RASGRP3: variants seen among roughly 807,000 people sequenced by gnomAD.
RASGRP3 encodes the protein ras guanyl-releasing protein 3.
In RASGRP3, 54 loss-of-function variants were observed where a neutral mutation model predicts 82.7. The ratio of observed to expected loss-of-function variants is 0.65; its 90% CI spans 0.52 to 0.82. The LOEUF (loss-of-function observed/expected upper bound fraction) is 0.82, where lower values mean the gene tolerates loss of function less well. Ranked by LOEUF, RASGRP3 falls within the 40% of genes least tolerant of loss-of-function variation. The pLI is 0.00. For missense variants in RASGRP3, 861 were observed against 828.9 expected (o/e 1.04, Z -0.48); for synonymous variants, 309 against 300.5 (o/e 1.03, Z -0.29).
intron 4 of RASGRP3, among the ~76,000 whole-genome samples, chr2:33,519,251 G>T (rs1287120266): frequency 6.6e-6 from 1 of 152,098 alleles, no homozygotes; most frequent in Admixed American, 6.5e-5. Flanking sequence ...GTCCTTCATT[G>T]ACTGAAACGT....
chr2:33,489,263 G>C (rs1291232313), intron 1 of RASGRP3, among the ~76,000 whole-genome samples: 4 of 152,206 alleles, frequency 2.6e-5, no homozygotes, highest in African/African-American at 9.6e-5. Flanking sequence ...ACGCAAACAT[G>C]CCTTCAAAGA....
At chr2:33,507,727 T>A (rs1427884499) in intron 1 of RASGRP3, among the ~76,000 whole-genome samples, 1 of 152,118 alleles carries the variant, frequency 6.6e-6, no homozygotes, top group Admixed American at 6.5e-5. Context: ...GGTTTCACCA[T>A]GTTGGCCAGG....
At chr2:33,556,468 C>T (rs1472230158) in intron 15 of RASGRP3, among the ~76,000 whole-genome samples, 3 of 88,652 alleles carry the variant, frequency 3.4e-5, no homozygotes, top group Admixed American at 1.1e-4. Flanking sequence ...AGGATGGTCT[C>T]GATCTCCTGA....
Position 33,558,859 on chromosome 2 carries a change from C to A in RASGRP3, c.1893C>A (p.His631Gln). 6.2e-7 allele frequency: 1 copy of A among 1,614,034 alleles called. No homozygotes were observed. The highest frequency in any genetic ancestry group is 8.5e-7 in the Non-Finnish European group (1 of 1,179,904). ...CTGGCTGGGGGGACTCGGGGTCCCA[C>A]ACCTTCCCTAAAATGAAATCCAAGT... ...SEAGWGDSGSHTFPKMKSKFH... is the reference protein window; with the variant it reads ...SEAGWGDSGSQTFPKMKSKFH... Residue 631 changes from histidine to glutamine, a missense_variant, in exon 17 of 18, where the codon CAC becomes CAA. By Grantham distance (24) the His-to-Gln change is conservative. Coordinates refer to ENST00000403687, the MANE Select transcript of RASGRP3 (RefSeq NM_001139488.2).
intron 14 of RASGRP3, among the ~76,000 whole-genome samples, chr2:33,550,541 A>G (rs1675257614): frequency 6.6e-6 from 1 of 152,014 alleles, no homozygotes; most frequent in Admixed American, 6.6e-5. Context: ...CTTAACAGAA[A>G]CTCCTGGGCC....
At chr2:33,548,012 G>C (rs1277675448) in intron 13 of RASGRP3, among the ~76,000 whole-genome samples, 2 of 152,180 alleles carry the variant, frequency 1.3e-5, no homozygotes, top group Non-Finnish European at 2.9e-5. Context: ...ACAGTACCTG[G>C]AGGAAATGAT....
chr2:33,534,384 C>T lies in RASGRP3; in HGVS notation c.1145C>T (p.Pro382Leu). The change falls in exon 11 of 18, where the codon CCT (proline) becomes CTT (leucine). Residue 382 changes from proline (P) to leucine (L), a missense_variant. Coordinates refer to ENST00000403687, the MANE Select transcript of RASGRP3 (RefSeq NM_001139488.2). ...TACAAACTGTCACTGGTGCTGGAGC[C>T]TAGAAATTCTAAATCGGTAGGTATT... ...DIYKLSLVLEPRNSKSQPTSP... is the reference protein window; with the variant it reads ...DIYKLSLVLELRNSKSQPTSP... 6.4e-7 allele frequency: 1 copy of T among 1,565,246 alleles called. No homozygotes were observed. The highest frequency in any genetic ancestry group is 8.8e-7 in the Non-Finnish European group (1 of 1,138,442).
chr2:33,499,218 C>T (rs931709545), intron 1 of RASGRP3, among the ~76,000 whole-genome samples: 4 of 152,166 alleles, frequency 2.6e-5, no homozygotes, highest in Non-Finnish European at 4.4e-5. Context: ...GGTGAACCAC[C>T]TGTCTCCCTG....
intron 1 of RASGRP3, among the ~76,000 whole-genome samples, chr2:33,495,479 C>T (rs1430640695): frequency 5.3e-5 from 8 of 152,082 alleles, no homozygotes; most frequent in African/African-American, 9.7e-5. Flanking sequence ...CACCTCCTGC[C>T]GGGCAGCTTG....
chr2:33,498,065 G>A (rs1669492474), intron 1 of RASGRP3, among the ~76,000 whole-genome samples: 1 of 151,728 alleles, frequency 6.6e-6, no homozygotes, highest in Non-Finnish European at 1.5e-5. Flanking sequence ...GGTATATGTA[G>A]GTAAAATGTA....
chr2:33,446,958 G>A (rs1350572916), intron 1 of RASGRP3, among the ~76,000 whole-genome samples: 1 of 151,830 alleles, frequency 6.6e-6, no homozygotes, highest in Non-Finnish European at 1.5e-5. Flanking sequence ...CCTGGCTAAC[G>A]CGGTGAAACC....
chr2:33,488,473 T>A (rs1668582225), intron 1 of RASGRP3, among the ~76,000 whole-genome samples: 1 of 152,180 alleles, frequency 6.6e-6, no homozygotes, highest in South Asian at 2.1e-4. Flanking sequence ...CAAGGCTCAA[T>A]GGGACCAAGT....
chr2:33,472,555 G>T (rs999161424), upstream of RASGRP3, among the ~76,000 whole-genome samples: 8 of 152,126 alleles, frequency 5.3e-5, no homozygotes, highest in African/African-American at 7.2e-5. Flanking sequence ...ACACCTAAGG[G>T]GCAGATAGCG....
rs1190220588 is a variant in RASGRP3 at position 33,549,456 on chromosome 2, T to C, written c.1395-148T>C. On this transcript the variant is annotated intron_variant, in intron 13 of 17. Transcript: ENST00000403687. ...AACACCTGAAGATGCCTTTTGAGGT[T>C]TGCTCCTTCTCTGAGATGTAATAGA... 3 of 761,632 alleles carry C rather than the reference T, an allele frequency of 3.9e-6. No individual in the cohort carries two copies. The African/African-American group carries it at 5.3e-5, about 13-fold the overall frequency. 47.2% of individuals were successfully genotyped at this position (761,632 alleles called of 1,614,324 possible). A position where few individuals can be genotyped will look rare whatever the true frequency, so the allele number is the denominator to read the frequency against.
At chr2:33,484,873 A>G (rs915978884) in intron 1 of RASGRP3, among the ~76,000 whole-genome samples, 5 of 152,150 alleles carry the variant, frequency 3.3e-5, no homozygotes, top group East Asian at 1.9e-4. Flanking sequence ...TTTTCATCCA[A>G]TCACACTGTC....
intron 1 of RASGRP3, among the ~76,000 whole-genome samples, chr2:33,480,685 A>T (rs911353023): frequency 2.0e-5 from 3 of 152,150 alleles, no homozygotes; most frequent in Admixed American, 2.0e-4. Flanking sequence ...TTTTTGCCCA[A>T]TTGTGTGTTT....
intron 1 of RASGRP3, among the ~76,000 whole-genome samples, chr2:33,499,111 A>G (rs946928507): frequency 6.6e-6 from 1 of 152,176 alleles, no homozygotes; most frequent in African/African-American, 2.4e-5. Flanking sequence ...GGTTAGACTC[A>G]TCCCCAACCC....
At chr2:33,500,851 T>A (rs1574352912) in intron 1 of RASGRP3, among the ~76,000 whole-genome samples, 1 of 152,114 alleles carries the variant, frequency 6.6e-6, no homozygotes, top group Non-Finnish European at 1.5e-5. Context: ...GGAGAATCGC[T>A]TGAACCTGGG....
chr2:33,455,936 A>G (rs913520817), intron 2 of RASGRP3, among the ~76,000 whole-genome samples: 5 of 152,196 alleles, frequency 3.3e-5, no homozygotes, highest in Non-Finnish European at 5.9e-5. Context: ...ATCATTTTCA[A>G]TAAACCAGCT....
Sources: gnomAD v4.1 joint callset for allele counts (sites outside exome capture counted in the v4.1 genomes callset) on GRCh38, gnomAD v4.1.1 for gene constraint, MANE v1.5 for transcripts, NCBI Gene and HGNC (gene_info 2026-07-23, HGNC 2026-07-21) for gene names.